The following MYO1D variants were observed in gnomAD, a reference collection of about 807,000 sequenced individuals.
MYO1D encodes unconventional myosin-Id.
A neutral mutation model predicts 122.0 loss-of-function variants in MYO1D; 83 were observed. That is an observed-to-expected ratio of 0.68 (90% CI 0.57 to 0.82). The LOEUF (loss-of-function observed/expected upper bound fraction) is 0.82, where lower values mean the gene tolerates loss of function less well. MYO1D is among the 40% of genes least tolerant of loss of function. MYO1D has a pLI of 0.00. For missense variants in MYO1D, 1,157 were observed against 1,269.5 expected, an observed-to-expected ratio of 0.91 and a Z score of 1.35; for synonymous variants, 464 against 446.9, an observed-to-expected ratio of 1.04 and a Z score of -0.48.
intron 3 of MYO1D, among the ~76,000 whole-genome samples, chr17:32,777,129 T>C (rs1273468950): frequency 1.3e-5 from 2 of 152,168 alleles, no homozygotes; most frequent in African/African-American, 4.8e-5. Flanking sequence ...TCTCATCTAG[T>C]TGCTCTCCTG....
At chr17:32,545,048 A>G (rs780557069) in intron 21 of MYO1D, among the ~76,000 whole-genome samples, 1 of 152,136 alleles carries the variant, frequency 6.6e-6, no homozygotes, top group Non-Finnish European at 1.5e-5. Flanking sequence ...GTAGGGGAGC[A>G]AGGGGAGGAG....
At chr17:32,579,246 T>C (rs2087306703) in intron 21 of MYO1D, among the ~76,000 whole-genome samples, 1 of 152,060 alleles carries the variant, frequency 6.6e-6, no homozygotes, top group Non-Finnish European at 1.5e-5. Context: ...TTTTAAATTT[T>C]TTTGTAGAGA....
intron 15 of MYO1D, among the ~76,000 whole-genome samples, chr17:32,720,307 A>G (rs1005000373): frequency 5.3e-5 from 8 of 152,194 alleles, no homozygotes; most frequent in African/African-American, 1.9e-4. Context: ...TTGAGTGATT[A>G]CTTTACGGAG....
chr17:32,626,895 T>C (rs2087934978), intron 20 of MYO1D, among the ~76,000 whole-genome samples: 1 of 152,192 alleles, frequency 6.6e-6, no homozygotes. Context: ...TCATTGAGTG[T>C]TAAAAAGAAA....
chr17:32,746,629 C>T (rs770695674), intron 12 of MYO1D, among the ~76,000 whole-genome samples: 4 of 152,050 alleles, frequency 2.6e-5, no homozygotes, highest in Admixed American at 6.5e-5. Context: ...TATGTATATA[C>T]GTATGTATCT....
chr17:32,625,443 G>A (rs1314956447), intron 20 of MYO1D, among the ~76,000 whole-genome samples: 1 of 152,140 alleles, frequency 6.6e-6, no homozygotes, highest in Non-Finnish European at 1.5e-5. Context: ...GAGACTTCCT[G>A]CCTGGGATTC....
At chr17:32,546,615 G>A (rs1185543925) in intron 21 of MYO1D, among the ~76,000 whole-genome samples, 1 of 152,204 alleles carries the variant, frequency 6.6e-6, no homozygotes, top group African/African-American at 2.4e-5. Context: ...TTTGTGGGGG[G>A]CATGGCTGCC....
chr17:32,562,234 AT>A (rs1229243358), intron 21 of MYO1D, among the ~76,000 whole-genome samples: 1 of 151,606 alleles, frequency 6.6e-6, no homozygotes, highest in Non-Finnish European at 1.5e-5. Flanking sequence ...TTCAATGAAC[AT>A]TTTTTTTGAA....
intron 21 of MYO1D, among the ~76,000 whole-genome samples, chr17:32,576,682 G>A (rs887258508): frequency 6.6e-6 from 1 of 152,122 alleles, no homozygotes; most frequent in African/African-American, 2.4e-5. Context: ...ATGAGACAAG[G>A]TCTTGCTCTG....
At chr17:32,636,238 G>A (rs966970080) in intron 20 of MYO1D, among the ~76,000 whole-genome samples, 3 of 152,014 alleles carry the variant, frequency 2.0e-5, no homozygotes, top group East Asian at 1.9e-4. Context: ...ATACTTGTAC[G>A]TTTCACAAAA....
chr17:32,627,953 T>C (rs2087949864), intron 20 of MYO1D, among the ~76,000 whole-genome samples: 1 of 152,188 alleles, frequency 6.6e-6, no homozygotes, highest in Non-Finnish European at 1.5e-5. Flanking sequence ...AGAAGTGCAT[T>C]TATTCAAGCA....
At chr17:32,603,961 A>T (rs1039316934) in intron 21 of MYO1D, among the ~76,000 whole-genome samples, 1 of 152,210 alleles carries the variant, frequency 6.6e-6, no homozygotes, top group African/African-American at 2.4e-5. Context: ...ACCATTAAGT[A>T]TTATTTTACT....
chr17:32,622,534 G>A (rs2087866565), intron 20 of MYO1D, among the ~76,000 whole-genome samples: 1 of 152,076 alleles, frequency 6.6e-6, no homozygotes, highest in Admixed American at 6.6e-5. Context: ...GCATACAGAG[G>A]GATAAGATGG....
chr17:32,698,095 C>T (rs1007144706), intron 16 of MYO1D, among the ~76,000 whole-genome samples: 1 of 152,192 alleles, frequency 6.6e-6, no homozygotes, highest in African/African-American at 2.4e-5. Flanking sequence ...GCTCCCTTAT[C>T]TATTAAATGG....
intron 21 of MYO1D, among the ~76,000 whole-genome samples, chr17:32,534,712 G>C (rs1050252241): frequency 9.2e-5 from 14 of 152,176 alleles, no homozygotes; most frequent in African/African-American, 3.4e-4. Context: ...TCTGACAAAT[G>C]CTGGGGCTAA....
chr17:32,502,044 C>T lies in MYO1D; in HGVS notation c.2865-7129G>A, dbSNP rs115743009. Among the ~76,000 whole-genome samples, 1,210 of 152,204 alleles carry T rather than the reference C, an allele frequency of 7.9e-3. 15 individuals are homozygous for T. Among genetic ancestry groups the T allele is most frequent in the African/African-American group, 0.027 (1,122 of 41,518 alleles). ...CTGGTGACCACTGGTAGGTGTGTGG[C>T]GAAAACCTCCATACCTTTGGTCACA... On this transcript the variant is annotated intron_variant, in intron 21 of 21. Transcript: ENST00000318217.
intron 21 of MYO1D, among the ~76,000 whole-genome samples, chr17:32,580,744 T>TA (rs1390733892): frequency 1.3e-5 from 2 of 152,192 alleles, no homozygotes; most frequent in African/African-American, 4.8e-5. Context: ...TATTGGATGT[T>TA]AAACCAACCT....
At chr17:32,713,973 G>T (rs1014686957) in intron 15 of MYO1D, among the ~76,000 whole-genome samples, 1 of 151,802 alleles carries the variant, frequency 6.6e-6, no homozygotes, top group African/African-American at 2.4e-5. Context: ...AAGAACAAGA[G>T]ATGTTTTCCC....
At chr17:32,572,062 G>A (rs1363930345) in intron 21 of MYO1D, among the ~76,000 whole-genome samples, 1 of 151,868 alleles carries the variant, frequency 6.6e-6, no homozygotes, top group Non-Finnish European at 1.5e-5. Flanking sequence ...AATAACCCCT[G>A]CTCTCCTCCT....
Sources: allele counts gnomAD v4.1 joint callset (sites outside exome capture counted in the v4.1 genomes callset), GRCh38; gene constraint gnomAD v4.1.1; transcripts MANE v1.5; gene names NCBI Gene and HGNC (gene_info 2026-07-23, HGNC 2026-07-21).